Variants in LPAR1 observed in about 807,000 individuals in gnomAD.
The protein encoded by LPAR1 is lysophosphatidic acid receptor 1, also known as LPA receptor 1.
LPAR1 carries 5 observed loss-of-function variants against 23.8 expected under a neutral mutation model. The ratio of observed to expected loss-of-function variants is 0.21; its 90% confidence interval spans 0.11 to 0.44. LPAR1 has a LOEUF of 0.44. Ranked by LOEUF, LPAR1 falls within the 20% of genes least tolerant of loss-of-function variation. The probability of loss-of-function intolerance (pLI) is 0.99; values close to 1 mark genes in which losing one functional copy is unlikely to be tolerated. For missense variants in LPAR1, 311 were observed against 482.8 expected (o/e 0.64, Z 3.33); for synonymous variants, 160 against 164.7 (o/e 0.97, Z 0.22).
At chr9:110,924,713 A>T (rs2093886422) in intron 5 of LPAR1, among the ~76,000 whole-genome samples, 1 of 152,144 alleles carries the variant, frequency 6.6e-6, no homozygotes, top group African/African-American at 2.4e-5. Context: ...AATAAGATTC[A>T]GTACTTAACA....
chr9:110,986,685 G>A (rs947043691), intron 2 of LPAR1, among the ~76,000 whole-genome samples: 4 of 151,906 alleles, frequency 2.6e-5, no homozygotes, highest in Non-Finnish European at 4.4e-5. Flanking sequence ...AATGGGGGTG[G>A]AAACAAAGTG....
intron 5 of LPAR1, among the ~76,000 whole-genome samples, chr9:110,906,319 GA>G (rs902340567): frequency 6.6e-6 from 1 of 151,916 alleles, no homozygotes; most frequent in African/African-American, 2.4e-5. Flanking sequence ...TTAAAAAAAG[GA>G]AAAAATCCTA....
intron 2 of LPAR1, among the ~76,000 whole-genome samples, chr9:110,995,418 T>C (rs1284597155): frequency 6.6e-6 from 1 of 152,136 alleles, no homozygotes; most frequent in Non-Finnish European, 1.5e-5. Context: ...AATCCTAATA[T>C]CTACTTCAGC....
At chr9:110,921,439 G>GT (rs1334399846) in intron 5 of LPAR1, among the ~76,000 whole-genome samples, 1 of 152,092 alleles carries the variant, frequency 6.6e-6, no homozygotes, top group East Asian at 1.9e-4. Context: ...GAAAAATATA[G>GT]TAACAGTTAA....
intron 5 of LPAR1, among the ~76,000 whole-genome samples, chr9:110,879,417 C>CAAAAA (rs71371692): frequency 0.016 from 774 of 47,104 alleles, 56 homozygotes; most frequent in East Asian, 0.092. Flanking sequence ...GACTCCATCT[C>CAAAAA]AAAAAAAAAA....
rs2095105651 is a variant in LPAR1, at chr9:110,941,513, T to C, written c.701A>G (p.Gln234Arg). The change falls in exon 5 of 6, where the codon CAG (glutamine) becomes CGG (arginine). Residue 234 changes from glutamine (Q) to arginine (R), a missense_variant. Physicochemically the swap from Gln to Arg is conservative, Grantham distance 43. This residue lies in a region of LPAR1 where 250 missense variants were observed against 427.2 expected (regional missense o/e 0.59). Coordinates refer to ENST00000683809, the MANE Select transcript of LPAR1 (RefSeq NM_001351411.2). The surrounding 1 kb of genome is among the most constrained non-coding windows in gnomAD (Gnocchi z 6.1). ...ATGCCGAGACATTCTCATAGTCCTC[T>C]GGCGAACATAGCCAAAGATGTGAGC... ...LYAHIFGYVR[Q>R]RTMRMSRHSS... 4 of 1,614,164 alleles carry C rather than the reference T, an allele frequency of 2.5e-6. No individual in the cohort carries two copies. Among genetic ancestry groups the C allele is most frequent in the Admixed American group, 1.7e-5 (1 of 60,022 alleles).
intron 2 of LPAR1, among the ~76,000 whole-genome samples, chr9:111,016,977 T>C (rs2097460692): frequency 6.6e-6 from 1 of 152,176 alleles, no homozygotes; most frequent in African/African-American, 2.4e-5. Context: ...TTAAAGTACC[T>C]AACGTTTGGA....
intron 5 of LPAR1, among the ~76,000 whole-genome samples, chr9:110,910,553 C>A (rs1489582843): frequency 6.6e-6 from 1 of 152,108 alleles, no homozygotes; most frequent in Non-Finnish European, 1.5e-5. Context: ...ACTTTCAAGT[C>A]TTATTTAATA....
chr9:110,998,517 T>C (rs1396626207), intron 2 of LPAR1, among the ~76,000 whole-genome samples: 1 of 152,132 alleles, frequency 6.6e-6, no homozygotes, highest in Non-Finnish European at 1.5e-5. Flanking sequence ...CATTTATAAA[T>C]CCTGGACATT....
rs182180011 is a variant in LPAR1, at chr9:110,917,123, A to C, written c.793+24298T>G. ...GAAGCCAAGGCGGGTGGATCACCTG[A>C]GGTCAGGAGTTCAAGACCAGCCTGG... On this transcript the variant is annotated intron_variant, in intron 5 of 5. Transcript: ENST00000683809. 9.0e-3 allele frequency among the ~76,000 whole-genome samples: 1,357 copies of C among 151,158 alleles called. 21 individuals are homozygous for C. Among genetic ancestry groups the C allele is most frequent in the African/African-American group, 0.03 (1,244 of 41,142 alleles).
At chr9:110,998,622 A>G (rs2097066823) in intron 2 of LPAR1, among the ~76,000 whole-genome samples, 1 of 152,214 alleles carries the variant, frequency 6.6e-6, no homozygotes, top group South Asian at 2.1e-4. Flanking sequence ...GGGAGCTGCA[A>G]TTGTACCTTC....
chr9:110,993,378 T>G (rs1046378561), intron 2 of LPAR1, among the ~76,000 whole-genome samples: 1 of 152,172 alleles, frequency 6.6e-6, no homozygotes, highest in African/African-American at 2.4e-5. Flanking sequence ...TGGAATAGTT[T>G]TTAAGTTTTT....
chr9:111,024,786 T>A (rs1267244037), intron 2 of LPAR1, among the ~76,000 whole-genome samples: 7 of 151,806 alleles, frequency 4.6e-5, no homozygotes, highest in Non-Finnish European at 8.8e-5. Flanking sequence ...CACTTATGAG[T>A]GAGAACATGC....
At chr9:111,025,033 A>G (rs2097662637) in intron 2 of LPAR1, among the ~76,000 whole-genome samples, 1 of 152,256 alleles carries the variant, frequency 6.6e-6, no homozygotes, top group South Asian at 2.1e-4. Flanking sequence ...TCTTTATAGT[A>G]GAATGATTTA....
chr9:110,974,342 G>T (rs981931211), intron 2 of LPAR1, among the ~76,000 whole-genome samples: 2 of 152,152 alleles, frequency 1.3e-5, no homozygotes, highest in African/African-American at 4.8e-5. Flanking sequence ...TTGCACAGCA[G>T]GAACTGTGGA....
intron 5 of LPAR1, among the ~76,000 whole-genome samples, chr9:110,882,791 T>C (rs1162637322): frequency 6.6e-6 from 1 of 152,230 alleles, no homozygotes; most frequent in Non-Finnish European, 1.5e-5. Flanking sequence ...AAGCAAATTA[T>C]GTAAAATGTT....
At chr9:110,962,484 T>C (rs2096037235) in intron 4 of LPAR1, among the ~76,000 whole-genome samples, 1 of 152,186 alleles carries the variant, frequency 6.6e-6, no homozygotes, top group Non-Finnish European at 1.5e-5. Flanking sequence ...ATGTTTGATA[T>C]CACCTGCTGG....
chr9:110,895,960 C>T (rs189908765), intron 5 of LPAR1, among the ~76,000 whole-genome samples: 325 of 152,204 alleles, frequency 2.1e-3, no homozygotes, highest in Non-Finnish European at 4.0e-3. Flanking sequence ...CCATCCATTT[C>T]GTATTCATTT....
intron 5 of LPAR1, among the ~76,000 whole-genome samples, chr9:110,928,870 T>C (rs2094216536): frequency 6.6e-6 from 1 of 152,242 alleles, no homozygotes; most frequent in African/African-American, 2.4e-5. Flanking sequence ...TCTTTAAGGC[T>C]AGGCTCCTAA....
Sources: allele counts gnomAD v4.1 joint callset (sites outside exome capture counted in the v4.1 genomes callset), GRCh38; gene constraint gnomAD v4.1.1; regional missense constraint gnomAD v4.1.1; non-coding constraint Gnocchi (gnomAD v3.1); transcripts MANE v1.5; gene names NCBI Gene and HGNC (gene_info 2026-07-23, HGNC 2026-07-21).